EXOC6: variants seen among roughly 807,000 people sequenced by gnomAD.
The protein encoded by EXOC6 is exocyst complex component 6.
Under a neutral mutation model 112.5 loss-of-function variants are expected in EXOC6, and 60 were observed. That is an observed-to-expected ratio of 0.53 (90% CI 0.43 to 0.66). The LOEUF (loss-of-function observed/expected upper bound fraction) is 0.66. Among genes scored for constraint, EXOC6 ranks in the 30% least tolerant of loss-of-function variants. EXOC6 has a pLI of 0.00. For missense variants in EXOC6, 855 were observed against 957.1 expected (o/e 0.89, Z 1.41); for synonymous variants, 295 against 308.0 (o/e 0.96, Z 0.44).
chr10:93,037,782 T>C (rs1845578746), intron 20 of EXOC6, among the ~76,000 whole-genome samples: 1 of 143,020 alleles, frequency 7.0e-6, no homozygotes, highest in African/African-American at 2.5e-5. Flanking sequence ...CCGGGTGCGG[T>C]GGCTCACGCC....
chr10:93,001,672 A>T (rs1406705040), intron 19 of EXOC6, among the ~76,000 whole-genome samples: 2 of 152,134 alleles, frequency 1.3e-5, no homozygotes, highest in African/African-American at 2.4e-5. Context: ...CATTAGCTGG[A>T]TTTAGCTCTC....
chr10:92,901,274 A>G (rs1850154122), intron 5 of EXOC6: 2 of 152,188 alleles, frequency 1.3e-5, no homozygotes, highest in African/African-American at 4.8e-5. Flanking sequence ...GTTTTCACCC[A>G]GTAGTTTTAT....
intron 20 of EXOC6, among the ~76,000 whole-genome samples, chr10:93,036,622 G>A (rs1267003918): frequency 6.6e-6 from 1 of 151,910 alleles, no homozygotes; most frequent in Non-Finnish European, 1.5e-5. Context: ...CTTTAGAAGT[G>A]GAATTACTGG....
upstream of EXOC6, among the ~76,000 whole-genome samples, chr10:92,832,186 A>G (rs1846505934): frequency 6.6e-6 from 1 of 152,234 alleles, no homozygotes; most frequent in South Asian, 2.1e-4. Context: ...CCATTTCCTT[A>G]CAAGGCAGAG....
chr10:93,027,209 A>G (rs1237355289), intron 20 of EXOC6, among the ~76,000 whole-genome samples: 4 of 152,212 alleles, frequency 2.6e-5, no homozygotes, highest in African/African-American at 7.2e-5. Context: ...GTTCAATTCT[A>G]TGAAGGCTGA....
chr10:92,849,576 C>G (rs1007614332), intron 1 of EXOC6, among the ~76,000 whole-genome samples: 3 of 152,132 alleles, frequency 2.0e-5, no homozygotes, highest in Non-Finnish European at 4.4e-5. Context: ...TTATTATTCA[C>G]TTAGGGAACT....
At position 92,955,731 on chromosome 10, in the gene EXOC6, C is replaced by G; in HGVS notation, c.1773+17C>G. ...ACTTTCAAGGTATGTAAAAATTTGA[C>G]CAAAAGTTTTCATTTCAGTCACTGT... On this transcript the variant is annotated intron_variant, in intron 17 of 21. Transcript: ENST00000260762. 1 of 1,596,992 alleles carries G rather than the reference C, an allele frequency of 6.3e-7. No individual in the cohort carries two copies. The highest frequency in any genetic ancestry group is 8.5e-7 in the Non-Finnish European group (1 of 1,174,146).
intron 11 of EXOC6, 35 bp from the exon 12 acceptor site, chr10:92,935,779 G>A (rs1358713823): frequency 4.3e-6 from 6 of 1,391,140 alleles, no homozygotes; most frequent in Admixed American, 3.4e-5. Context: ...TGTTGTTGTC[G>A]GTGTTTTGTT....
At chr10:92,877,821 A>G (rs891443397) in intron 1 of EXOC6, among the ~76,000 whole-genome samples, 1 of 152,202 alleles carries the variant, frequency 6.6e-6, no homozygotes, top group Non-Finnish European at 1.5e-5. Flanking sequence ...TGTATATTAC[A>G]TATTTAGTTT....
intron 8 of EXOC6, among the ~76,000 whole-genome samples, chr10:92,924,285 G>A (rs1272079832): frequency 1.3e-5 from 2 of 152,096 alleles, no homozygotes; most frequent in African/African-American, 2.4e-5. Context: ...AATACTCTTC[G>A]TTAGGATGTA....
intron 20 of EXOC6, among the ~76,000 whole-genome samples, chr10:93,056,684 T>C (rs1846555509): frequency 6.6e-6 from 1 of 152,152 alleles, no homozygotes; most frequent in South Asian, 2.1e-4. Context: ...TATTTTACAA[T>C]TATTTGAAAA....
At chr10:92,826,978 G>T (rs934469307) in intron 1 of EXOC6, among the ~76,000 whole-genome samples, 4 of 152,058 alleles carry the variant, frequency 2.6e-5, no homozygotes, top group Non-Finnish European at 5.9e-5. Context: ...GGGCAGTCTA[G>T]GGCAGAGGGA....
intron 20 of EXOC6, among the ~76,000 whole-genome samples, chr10:93,040,324 C>T (rs1220444379): frequency 6.6e-6 from 1 of 152,194 alleles, no homozygotes; most frequent in Non-Finnish European, 1.5e-5. Flanking sequence ...TCTCGGCTCA[C>T]TGCAAGCTCC....
At chr10:92,872,348 T>C (rs1848495090) in intron 1 of EXOC6, among the ~76,000 whole-genome samples, 1 of 152,110 alleles carries the variant, frequency 6.6e-6, no homozygotes, top group African/African-American at 2.4e-5. Flanking sequence ...TATTACATTA[T>C]AGTTAGATCA....
intron 20 of EXOC6, among the ~76,000 whole-genome samples, chr10:93,014,558 G>T (rs1440367379): frequency 6.6e-6 from 1 of 152,072 alleles, no homozygotes; most frequent in African/African-American, 2.4e-5. Flanking sequence ...AATGACACTT[G>T]ATGTTCAAAT....
chr10:92,869,922 T>C (rs1279437045), intron 1 of EXOC6, among the ~76,000 whole-genome samples: 1 of 151,528 alleles, frequency 6.6e-6, no homozygotes, highest in Non-Finnish European at 1.5e-5. Flanking sequence ...TTAGTATTTC[T>C]TCATTAGGAT....
At chr10:93,018,010 C>CAAAAA (rs373643138) in intron 20 of EXOC6, among the ~76,000 whole-genome samples, 3 of 91,624 alleles carry the variant, frequency 3.3e-5, no homozygotes, top group Admixed American at 3.1e-4. Flanking sequence ...AACTCTGTCT[C>CAAAAA]AAAAAAAAAA....
intron 1 of EXOC6, among the ~76,000 whole-genome samples, chr10:92,853,402 A>C (rs143162254): frequency 6.6e-6 from 1 of 152,328 alleles, no homozygotes; most frequent in East Asian, 1.9e-4. Context: ...CTGATTCTAA[A>C]TTTCATGTAG....
At chr10:92,848,494 G>A (rs1847149463), upstream of EXOC6, 1 of 1,183,730 alleles carries the variant, frequency 8.4e-7, no homozygotes, top group Non-Finnish European at 1.1e-6. Flanking sequence ...CGTCGTTCCC[G>A]CGGCGCCGCG....
Sources: gnomAD v4.1 joint callset for allele counts (sites outside exome capture counted in the v4.1 genomes callset) on GRCh38, gnomAD v4.1.1 for gene constraint, MANE v1.5 for transcripts, NCBI Gene and HGNC (gene_info 2026-07-23, HGNC 2026-07-21) for gene names.